OR56A3: variants seen among roughly 807,000 people sequenced by gnomAD.
OR56A3 encodes olfactory receptor 56A3.
A neutral mutation model predicts 17.5 loss-of-function variants in OR56A3; 23 were observed. That is an observed-to-expected ratio of 1.32 (90% CI 0.95 to 1.87). The LOEUF (loss-of-function observed/expected upper bound fraction) is 1.87. OR56A3 is among the 40% of genes most tolerant of loss of function. The probability of loss-of-function intolerance (pLI) is 0.00; values close to 1 mark genes in which losing one functional copy is unlikely to be tolerated. For missense variants in OR56A3, 366 were observed against 380.1 expected (o/e 0.96, Z 0.31); for synonymous variants, 175 against 150.6 (o/e 1.16, Z -1.19).
chr11:5,998,972 T>C, the OR56A3 span, among the ~76,000 whole-genome samples: 7 of 152,208 alleles, frequency 4.6e-5, no homozygotes, highest in East Asian at 1.9e-4. Flanking sequence ...CCTTAAAGAA[T>C]GTGAGCACTG....
the OR56A3 span, among the ~76,000 whole-genome samples, chr11:5,972,500 G>T: frequency 6.6e-6 from 1 of 152,102 alleles, no homozygotes; most frequent in African/African-American, 2.4e-5. Flanking sequence ...CCTGCTTGAG[G>T]AATCTACTGC....
the OR56A3 span, among the ~76,000 whole-genome samples, chr11:5,983,692 C>G: frequency 6.6e-6 from 1 of 152,186 alleles, no homozygotes; most frequent in Non-Finnish European, 1.5e-5. Flanking sequence ...CTCTTCTCTC[C>G]GGTTTCTTCT....
chr11:5,975,906 T>C, the OR56A3 span, among the ~76,000 whole-genome samples: 2 of 151,866 alleles, frequency 1.3e-5, no homozygotes, highest in Non-Finnish European at 2.9e-5. Context: ...AGTATAATAA[T>C]AATATTAAAT....
the OR56A3 span, among the ~76,000 whole-genome samples, chr11:6,009,163 A>G: frequency 3.9e-5 from 6 of 152,206 alleles, no homozygotes; most frequent in African/African-American, 1.2e-4. Context: ...ATACATTTCC[A>G]GTTCAACCAC....
intron 1 of OR56A3, among the ~76,000 whole-genome samples, chr11:5,942,884 CAG>C (rs1847847459): frequency 6.6e-6 from 1 of 152,214 alleles, no homozygotes; most frequent in African/African-American, 2.4e-5. Context: ...CTTTTTAAAA[CAG>C]GGTTTCTTTG....
chr11:6,004,237 A>G, the OR56A3 span, among the ~76,000 whole-genome samples: 1 of 152,202 alleles, frequency 6.6e-6, no homozygotes, highest in Admixed American at 6.5e-5. Flanking sequence ...CTGTAATCCC[A>G]GCTACTTGGG....
At chr11:5,964,956 C>G in the OR56A3 span, among the ~76,000 whole-genome samples, 1 of 152,102 alleles carries the variant, frequency 6.6e-6, no homozygotes, top group Non-Finnish European at 1.5e-5. Context: ...TGTGTCTTTT[C>G]TTATCATTAT....
chr11:5,989,887 G>A, the OR56A3 span, among the ~76,000 whole-genome samples: 2 of 152,224 alleles, frequency 1.3e-5, no homozygotes. Context: ...TAAAGGCAAA[G>A]CTGTATTTAG....
chr11:6,002,477 A>G, the OR56A3 span: 1 of 1,614,250 alleles, frequency 6.2e-7, no homozygotes, highest in Non-Finnish European at 8.5e-7. Context: ...TGTTTCCTGC[A>G]CAGTATCTGA....
the OR56A3 span, among the ~76,000 whole-genome samples, chr11:6,011,223 C>T: frequency 0.66 from 95,446 of 144,616 alleles, 31,740 homozygotes; most frequent in East Asian, 0.93. Flanking sequence ...TATATATATA[C>T]ACACATATAT....
the OR56A3 span, chr11:6,019,872 T>G: frequency 1.3e-5 from 2 of 152,220 alleles, no homozygotes; most frequent in South Asian, 2.1e-4. Context: ...CAAGTAAAAA[T>G]GAGACCTTGA....
At chr11:5,951,627 T>A (rs1265520319), downstream of OR56A3, among the ~76,000 whole-genome samples, 1 of 152,098 alleles carries the variant, frequency 6.6e-6, no homozygotes, top group Non-Finnish European at 1.5e-5. Flanking sequence ...AAGCAGATAT[T>A]TGAGAGGGCA....
At chr11:6,003,705 T>C in the OR56A3 span, among the ~76,000 whole-genome samples, 130 of 152,306 alleles carry the variant, frequency 8.5e-4, no homozygotes, top group African/African-American at 3.1e-3. Context: ...GAAATCCATT[T>C]TTTTTCCTTG....
chr11:5,979,403 A>G, the OR56A3 span, among the ~76,000 whole-genome samples: 1 of 151,984 alleles, frequency 6.6e-6, no homozygotes, highest in Admixed American at 6.5e-5. Context: ...TTGGAACTCA[A>G]TACTGGTCTG....
the OR56A3 span, chr11:6,002,663 A>G: frequency 6.2e-7 from 1 of 1,614,246 alleles, no homozygotes; most frequent in Non-Finnish European, 8.5e-7. Flanking sequence ...CCATGGTCAA[A>G]AAACTGTTCA....
the OR56A3 span, among the ~76,000 whole-genome samples, chr11:5,979,118 TA>T: frequency 7.3e-6 from 1 of 137,902 alleles, no homozygotes; most frequent in Non-Finnish European, 1.7e-5. Context: ...AGTTAGCTAG[TA>T]TTTTTTTTTT....
chr11:5,975,143 C>G, the OR56A3 span, among the ~76,000 whole-genome samples: 1 of 152,200 alleles, frequency 6.6e-6, no homozygotes, highest in East Asian at 1.9e-4. Flanking sequence ...AGATAAAATA[C>G]AAAGTCTGGG....
chr11:6,003,582 T>G, the OR56A3 span, among the ~76,000 whole-genome samples: 2 of 152,056 alleles, frequency 1.3e-5, no homozygotes, highest in Non-Finnish European at 2.9e-5. Context: ...CTGGGACAAT[T>G]TAGACTTAAA....
At chr11:5,971,114 C>A in the OR56A3 span, among the ~76,000 whole-genome samples, 2 of 152,036 alleles carry the variant, frequency 1.3e-5, no homozygotes, top group Admixed American at 6.5e-5. Context: ...GAATCTTAAA[C>A]AAGTCATTCA....
Sources: gnomAD v4.1 joint callset for allele counts (sites outside exome capture counted in the v4.1 genomes callset) on GRCh38, gnomAD v4.1.1 for gene constraint, MANE v1.5 for transcripts, NCBI Gene and HGNC (gene_info 2026-07-23, HGNC 2026-07-21) for gene names.